Variants in EPB41L4A observed in about 807,000 individuals in gnomAD.
The protein encoded by EPB41L4A is erythrocyte membrane protein band 4.1 like 4A, also known as band 4.1-like protein 4A.
A neutral mutation model predicts 108.6 loss-of-function variants in EPB41L4A; 100 were observed. The ratio of observed to expected loss-of-function variants is 0.92; its 90% confidence interval spans 0.78 to 1.09. The LOEUF (loss-of-function observed/expected upper bound fraction) is 1.09, where lower values mean the gene tolerates loss of function less well. EPB41L4A is among the 50% of genes least tolerant of loss of function. EPB41L4A has a pLI of 0.00. For missense variants in EPB41L4A, 1,030 were observed against 842.7 expected (o/e 1.22, Z -2.75); for synonymous variants, 319 against 289.0 (o/e 1.10, Z -1.05).
rs1302964876 is a variant in EPB41L4A, at chr5:112,244,397, T to A, written c.796-3587A>T. Among the ~76,000 whole-genome samples, 5 of 152,250 alleles carry A rather than the reference T, an allele frequency of 3.3e-5. No individual in the cohort carries two copies. The East Asian group carries it at 7.7e-4, about 23-fold the overall frequency. ...TCTGGGGTATATACCTTGGGGTTCA[T>A]TGTCACGCATTGAGAAAGAATTCAG... On this transcript the variant is annotated intron_variant, in intron 9 of 22. Transcript: ENST00000261486.
intron 12 of EPB41L4A, among the ~76,000 whole-genome samples, chr5:112,215,576 CA>C (rs774934092): frequency 1.3e-4 from 20 of 151,860 alleles, no homozygotes; most frequent in East Asian, 1.9e-4. Context: ...TTCTGGTTAA[CA>C]ATGGTGAAAC....
At chr5:112,403,615 C>T (rs1761916822) in intron 1 of EPB41L4A, among the ~76,000 whole-genome samples, 1 of 152,106 alleles carries the variant, frequency 6.6e-6, no homozygotes, top group South Asian at 2.1e-4. Context: ...ACTACAGGCT[C>T]ACACCACCAT....
At chr5:112,337,642 C>T (rs938216809) in intron 1 of EPB41L4A, among the ~76,000 whole-genome samples, 1 of 152,094 alleles carries the variant, frequency 6.6e-6, no homozygotes, top group African/African-American at 2.4e-5. Flanking sequence ...CCTGCTACAC[C>T]ATATACAAGG....
At chr5:112,239,842 A>G (rs980906330) in intron 10 of EPB41L4A, 105 bp from the exon 11 acceptor site, 3 of 572,840 alleles carry the variant, frequency 5.2e-6, no homozygotes, top group Non-Finnish European at 9.1e-6. Context: ...CAGCCACTTT[A>G]TAAGAATACT....
In EPB41L4A at chr5:112,332,210, G is replaced by T. The variant is rs1213783992; in HGVS notation, c.100-24720C>A. On this transcript the variant is annotated intron_variant, in intron 1 of 22. Transcript: ENST00000261486. ...AGGATAGTGAGAAGAATAAAACACA[G>T]TCTTTTTGTTTTTAGTTCTCTATTC... is the stretch of plus-strand genomic sequence containing the variant. Among the ~76,000 whole-genome samples the T allele has an allele frequency of 4.6e-5, 7 of 152,322 alleles. No individual in the cohort carries two copies. In the East Asian group the frequency reaches 1.4e-3, roughly 29 times the overall value.
At chr5:112,177,826 G>A (rs1358663437) in intron 18 of EPB41L4A, among the ~76,000 whole-genome samples, 1 of 151,864 alleles carries the variant, frequency 6.6e-6, no homozygotes, top group African/African-American at 2.4e-5. Flanking sequence ...AAAAGTATAG[G>A]TAAGATATCA....
chr5:112,319,615 A>G (rs1038892151), intron 1 of EPB41L4A, among the ~76,000 whole-genome samples: 10 of 152,250 alleles, frequency 6.6e-5, no homozygotes, highest in Admixed American at 5.2e-4. Context: ...AAGAAGCATC[A>G]GACAAGCCGA....
intron 16 of EPB41L4A, 85 bp downstream of exon 16, chr5:112,195,575 GC>G (rs984422182): frequency 4.5e-6 from 5 of 1,099,010 alleles, no homozygotes; most frequent in Non-Finnish European, 6.7e-6. Flanking sequence ...AAAAAATAAT[GC>G]CCCCGCTCTT....
intron 12 of EPB41L4A, chr5:112,228,497 G>A (rs1748632624): frequency 6.2e-6 from 1 of 161,564 alleles, no homozygotes; most frequent in South Asian, 2.0e-4. Context: ...CTTTGCAATA[G>A]TTCAAAGATT....
At chr5:112,372,332 C>T (rs1267790683) in intron 1 of EPB41L4A, among the ~76,000 whole-genome samples, 1 of 152,172 alleles carries the variant, frequency 6.6e-6, no homozygotes, top group Non-Finnish European at 1.5e-5. Context: ...ATGAGAACAG[C>T]ATAGGGAAAA....
At chr5:112,228,127 G>A (rs1748601059) in intron 12 of EPB41L4A, among the ~76,000 whole-genome samples, 2 of 152,202 alleles carry the variant, frequency 1.3e-5, no homozygotes, top group South Asian at 4.1e-4. Context: ...CACCAGCTCT[G>A]TCAAGGGACA....
chr5:112,185,020 T>C (rs557180121), intron 17 of EPB41L4A, among the ~76,000 whole-genome samples: 15 of 151,294 alleles, frequency 9.9e-5, no homozygotes, highest in South Asian at 4.2e-4. Flanking sequence ...AGGTGCACTA[T>C]TGGCAGGAGA....
rs764305656 is a variant in EPB41L4A, at chr5:112,165,121, A to AGAAG, written c.1933-4_1933-3insCTTC. 6.3e-7 allele frequency: 1 copy of AGAAG among 1,585,278 alleles called. No homozygotes were observed. The highest frequency in any genetic ancestry group is 8.6e-7 in the Non-Finnish European group (1 of 1,160,616). The stretch of plus-strand genomic sequence containing the variant: ...CTATCTTTAGACCCATTTCTTCTCT[A>AGAAG]AAATATATTTGAAAAATGTAGAAAG... On this transcript the variant is annotated splice_region_variant and splice_polypyrimidine_tract_variant and intron_variant, in intron 22 of 22. Transcript: ENST00000261486.
chr5:112,150,244 A>T (rs1445964691), intron 12 of EPB41L4A, among the ~76,000 whole-genome samples: 1 of 152,194 alleles, frequency 6.6e-6, no homozygotes, highest in East Asian at 1.9e-4. Context: ...TGGTTATCAC[A>T]AATTAATTTC....
At chr5:112,227,709 C>T (rs1390095669) in intron 12 of EPB41L4A, among the ~76,000 whole-genome samples, 1 of 152,218 alleles carries the variant, frequency 6.6e-6, no homozygotes, top group African/African-American at 2.4e-5. Context: ...GTTCTGCTGA[C>T]TTGCATCTGA....
At chr5:112,349,457 A>C (rs1238165479) in intron 1 of EPB41L4A, among the ~76,000 whole-genome samples, 1 of 152,140 alleles carries the variant, frequency 6.6e-6, no homozygotes, top group Non-Finnish European at 1.5e-5. Context: ...ACCGAGGAGG[A>C]GTGGGAAGAC....
intron 13 of EPB41L4A, among the ~76,000 whole-genome samples, chr5:112,206,408 G>C (rs1223065654): frequency 6.6e-6 from 1 of 151,706 alleles, no homozygotes; most frequent in African/African-American, 2.4e-5. Context: ...ATCCATGATG[G>C]AATTAAAGTA....
chr5:112,315,538 C>T (rs188144100), intron 1 of EPB41L4A, among the ~76,000 whole-genome samples: 8 of 152,246 alleles, frequency 5.3e-5, no homozygotes, highest in African/African-American at 1.7e-4. Context: ...AAAAAGCTGA[C>T]CAGATCCATG....
chr5:112,216,426 T>C (rs994473865), intron 12 of EPB41L4A, among the ~76,000 whole-genome samples: 7 of 152,248 alleles, frequency 4.6e-5, no homozygotes, highest in African/African-American at 1.4e-4. Flanking sequence ...GAAATTAAAA[T>C]GAAAAAAATG....
Sources: gnomAD v4.1 joint callset for allele counts (sites outside exome capture counted in the v4.1 genomes callset) on GRCh38, gnomAD v4.1.1 for gene constraint, MANE v1.5 for transcripts, NCBI Gene and HGNC (gene_info 2026-07-23, HGNC 2026-07-21) for gene names.